The following ADCY8 variants were observed in gnomAD, a reference collection of about 807,000 sequenced individuals.
ADCY8 encodes the protein adenylate cyclase 8.
Under a neutral mutation model 119.7 loss-of-function variants are expected in ADCY8, and 51 were observed. That is an observed-to-expected ratio of 0.43 (90% confidence interval 0.34 to 0.54). The LOEUF is 0.54. Ranked by LOEUF, ADCY8 falls within the 20% of genes least tolerant of loss-of-function variation. The pLI, the probability that ADCY8 is intolerant of heterozygous loss-of-function variation, is 0.03. For missense variants in ADCY8, 1,383 were observed against 1,598.8 expected, an observed-to-expected ratio of 0.87 and a Z score of 2.30; for synonymous variants, 665 against 651.0, an observed-to-expected ratio of 1.02 and a Z score of -0.33.
At chr8:130,898,252 C>G (rs1276027044) in intron 7 of ADCY8, among the ~76,000 whole-genome samples, 1 of 133,142 alleles carries the variant, frequency 7.5e-6, no homozygotes, top group Non-Finnish European at 1.7e-5. Context: ...ATCACACTTA[C>G]CCTGTAAGGT....
At chr8:130,864,880 C>T (rs1012617354) in intron 9 of ADCY8, among the ~76,000 whole-genome samples, 1 of 151,982 alleles carries the variant, frequency 6.6e-6, no homozygotes, top group African/African-American at 2.4e-5. Context: ...TGCTTTGCCT[C>T]TTCTTTTTTT....
At chr8:130,987,838 C>T (rs1487084215) in intron 2 of ADCY8, among the ~76,000 whole-genome samples, 1 of 152,152 alleles carries the variant, frequency 6.6e-6, no homozygotes, top group Non-Finnish European at 1.5e-5. Context: ...TCCTGATTTA[C>T]CTCCATATAA....
At chr8:130,943,108 G>C (rs1316947316) in intron 4 of ADCY8, among the ~76,000 whole-genome samples, 1 of 152,178 alleles carries the variant, frequency 6.6e-6, no homozygotes, top group African/African-American at 2.4e-5. Context: ...AAGGACTGGG[G>C]TTTGATTGTC....
chr8:130,823,907 T>C (rs1816594293), intron 12 of ADCY8, among the ~76,000 whole-genome samples: 1 of 152,216 alleles, frequency 6.6e-6, no homozygotes, highest in Non-Finnish European at 1.5e-5. Flanking sequence ...TTACTAAAAA[T>C]TATGAAAATA....
At chr8:130,841,336 T>C (rs1817134932) in intron 11 of ADCY8, among the ~76,000 whole-genome samples, 1 of 152,196 alleles carries the variant, frequency 6.6e-6, no homozygotes, top group Admixed American at 6.5e-5. Context: ...CTTCTGAATA[T>C]ACAAGGTTTT....
intron 2 of ADCY8, among the ~76,000 whole-genome samples, chr8:130,973,970 A>T (rs921147449): frequency 6.6e-6 from 1 of 152,216 alleles, no homozygotes; most frequent in Non-Finnish European, 1.5e-5. Flanking sequence ...AGACTCAACA[A>T]TGCAGATGAC....
intron 14 of ADCY8, among the ~76,000 whole-genome samples, chr8:130,811,959 T>C (rs1816181176): frequency 6.6e-6 from 1 of 152,234 alleles, no homozygotes; most frequent in Non-Finnish European, 1.5e-5. Flanking sequence ...TGAGTTACTT[T>C]CCCTTGAAGG....
At chr8:130,888,219 A>AT (rs1819060931) in intron 7 of ADCY8, among the ~76,000 whole-genome samples, 2 of 151,494 alleles carry the variant, frequency 1.3e-5, no homozygotes, top group Non-Finnish European at 2.9e-5. Context: ...ATATATATAT[A>AT]ATAGAATACA....
At chr8:130,823,186 C>A (rs1346093144) in intron 12 of ADCY8, among the ~76,000 whole-genome samples, 8 of 152,242 alleles carry the variant, frequency 5.3e-5, no homozygotes, top group African/African-American at 1.9e-4. Context: ...ATTTTGAAAG[C>A]AGTGATTGAC....
chr8:130,977,043 C>G (rs75007703), intron 2 of ADCY8, among the ~76,000 whole-genome samples: 2 of 152,168 alleles, frequency 1.3e-5, no homozygotes, highest in African/African-American at 4.8e-5. Context: ...ATCAAGAAAA[C>G]ATGACCATCC....
chr8:130,796,423 C>T (rs1586421485), intron 15 of ADCY8, among the ~76,000 whole-genome samples: 1 of 152,212 alleles, frequency 6.6e-6, no homozygotes, highest in Admixed American at 6.5e-5. Flanking sequence ...CAAACACAGT[C>T]TTGGAGATGT....
chr8:130,976,207 C>T (rs2130714458), intron 2 of ADCY8, among the ~76,000 whole-genome samples: 1 of 152,280 alleles, frequency 6.6e-6, no homozygotes, highest in South Asian at 2.1e-4. Flanking sequence ...AGAGAATACT[C>T]TTTAAGAAAA....
intron 8 of ADCY8, among the ~76,000 whole-genome samples, chr8:130,871,646 G>A (rs985596470): frequency 1.3e-5 from 2 of 152,114 alleles, no homozygotes; most frequent in African/African-American, 4.8e-5. Flanking sequence ...CTTGCAGGAT[G>A]CTGTCTTCTA....
At chr8:130,886,844 T>C (rs1479731926) in intron 7 of ADCY8, among the ~76,000 whole-genome samples, 1 of 152,178 alleles carries the variant, frequency 6.6e-6, no homozygotes, top group Non-Finnish European at 1.5e-5. Flanking sequence ...CTTCAGTGAC[T>C]CTAAGACTTT....
chr8:130,903,118 TTCAATATTTGAATAAATAA>T (rs1367785976), intron 7 of ADCY8, among the ~76,000 whole-genome samples: 2 of 152,136 alleles, frequency 1.3e-5, no homozygotes, highest in African/African-American at 4.8e-5. Flanking sequence ...TTACTGTGAT[TTCAATATTTGAATAAATAA>T]TTTAAAAAGA....
intron 6 of ADCY8, among the ~76,000 whole-genome samples, chr8:130,904,532 A>G (rs1262682534): frequency 6.6e-6 from 1 of 152,146 alleles, no homozygotes; most frequent in Non-Finnish European, 1.5e-5. Context: ...TGTTTCTCCA[A>G]CTTGTCTATA....
intron 1 of ADCY8, among the ~76,000 whole-genome samples, chr8:131,027,093 T>G (rs548433737): frequency 3.9e-4 from 60 of 152,338 alleles, no homozygotes; most frequent in African/African-American, 1.4e-3. Context: ...CAGTTCTGTC[T>G]CATTGAGAGT....
intron 14 of ADCY8, among the ~76,000 whole-genome samples, chr8:130,804,721 T>C (rs1186448615): frequency 6.6e-6 from 1 of 152,122 alleles, no homozygotes; most frequent in Non-Finnish European, 1.5e-5. Context: ...CTGAATATTC[T>C]AATGAATGCC....
chr8:131,027,309 T>A (rs764979426), intron 1 of ADCY8, among the ~76,000 whole-genome samples: 7 of 152,180 alleles, frequency 4.6e-5, no homozygotes, highest in Non-Finnish European at 1.0e-4. Context: ...ACTTGAATAT[T>A]GCCAGGCAAG....
Sources: allele counts gnomAD v4.1 joint callset (sites outside exome capture counted in the v4.1 genomes callset), GRCh38; gene constraint gnomAD v4.1.1; transcripts MANE v1.5; gene names NCBI Gene and HGNC (gene_info 2026-07-23, HGNC 2026-07-21).